Variants in SOCS5 observed in about 807,000 individuals in gnomAD.
The protein encoded by SOCS5 is CIS-6.
In SOCS5, 32 loss-of-function variants were observed where a neutral mutation model predicts 42.8. That is an observed-to-expected ratio of 0.75 (90% confidence interval 0.56 to 1.01). The LOEUF (loss-of-function observed/expected upper bound fraction) is 1.01. Ranked by LOEUF, SOCS5 falls within the 50% of genes least tolerant of loss-of-function variation. The pLI is 0.00. For missense variants in SOCS5, 627 were observed against 653.0 expected (o/e 0.96, Z 0.43); for synonymous variants, 283 against 229.6 (o/e 1.23, Z -2.10).
chr2:46,759,520 C>T lies in SOCS5; in HGVS notation c.990C>T (p.Thr330=), dbSNP rs1434762216. 2.5e-6 allele frequency: 4 copies of T among 1,613,846 alleles called. No homozygotes were observed. The African/African-American group carries it at 4.0e-5, about 16-fold the overall frequency. The change falls in exon 2 of 2, where the codon ACC becomes ACT. Residue 330 remains threonine, a synonymous_variant. Transcript: ENST00000394861. ...ANCDSEEDTT[T]LCLQSRRQKQ... ...GTGACTCGGAAGAGGATACAACCAC[C>T]CTGTGTTTGCAGTCACGGAGGCAGA...
intron 1 of SOCS5, among the ~76,000 whole-genome samples, chr2:46,730,419 G>A (rs541302655): frequency 1.6e-4 from 25 of 152,064 alleles, no homozygotes; most frequent in African/African-American, 6.0e-4. Context: ...TGGCCAACAT[G>A]GTGAAACCCC....
chr2:46,748,278 C>A (rs1298627443), intron 1 of SOCS5, among the ~76,000 whole-genome samples: 2 of 151,606 alleles, frequency 1.3e-5, no homozygotes, highest in Admixed American at 1.3e-4. Context: ...CTCAGCCTCC[C>A]AGGTTCCAGC....
chr2:46,712,635 C>T (rs569766346), intron 1 of SOCS5, among the ~76,000 whole-genome samples: 72 of 152,308 alleles, frequency 4.7e-4, no homozygotes, highest in African/African-American at 1.5e-3. Flanking sequence ...AGCCACTGTG[C>T]CCGGCCTGTT....
At chr2:46,709,311 C>G (rs540181623) in intron 1 of SOCS5, among the ~76,000 whole-genome samples, 14 of 152,288 alleles carry the variant, frequency 9.2e-5, no homozygotes, top group African/African-American at 3.4e-4. Flanking sequence ...CTTTTCAGTT[C>G]TCCCCCAAAG....
chr2:46,733,023 C>G (rs567431333), intron 1 of SOCS5, among the ~76,000 whole-genome samples: 17 of 151,950 alleles, frequency 1.1e-4, no homozygotes, highest in African/African-American at 4.1e-4. Flanking sequence ...TGTGTATCCA[C>G]TGGCAAATAA....
In SOCS5 at chr2:46,759,924, G is replaced by T; in HGVS notation, c.1394G>T (p.Cys465Phe). The T allele has an allele frequency of 6.2e-7, 1 of 1,614,102 alleles. No individual in the cohort carries two copies. Among genetic ancestry groups the T allele is most frequent in the Non-Finnish European group, 8.5e-7 (1 of 1,179,998 alleles). ...GAACATTATAAAGATCCCAGTTCGT[G>T]CATGTTTTTTGAACCATTGCTTACT... ...LLEHYKDPSS[C>F]MFFEPLLTIS... Residue 465 changes from cysteine to phenylalanine, a missense_variant, in exon 2 of 2, where the codon TGC becomes TTC. Cys to Phe is a radical substitution (Grantham distance 205). Coordinates refer to ENST00000394861, the MANE Select transcript of SOCS5 (RefSeq NM_144949.3).
At chr2:46,732,978 G>T (rs527731278) in intron 1 of SOCS5, among the ~76,000 whole-genome samples, 5 of 152,010 alleles carry the variant, frequency 3.3e-5, no homozygotes, top group African/African-American at 1.2e-4. Context: ...AAAATCGTGT[G>T]GTGAATCATA....
At chr2:46,751,135 A>T (rs1445100163) in intron 1 of SOCS5, among the ~76,000 whole-genome samples, 1 of 152,162 alleles carries the variant, frequency 6.6e-6, no homozygotes, top group Non-Finnish European at 1.5e-5. Flanking sequence ...TATAAAATTA[A>T]GATAATTATT....
chr2:46,742,790 C>A (rs1025556281), intron 1 of SOCS5, among the ~76,000 whole-genome samples: 1 of 151,992 alleles, frequency 6.6e-6, no homozygotes, highest in East Asian at 1.9e-4. Context: ...CTCAGCCTCC[C>A]GAGTAGCTCA....
intron 1 of SOCS5, among the ~76,000 whole-genome samples, chr2:46,754,587 G>C (rs1673693401): frequency 6.6e-6 from 1 of 151,924 alleles, no homozygotes; most frequent in Admixed American, 6.6e-5. Flanking sequence ...TAGATTAGAG[G>C]ACTGCACCTC....
chr2:46,758,926 C>G lies in SOCS5; in HGVS notation c.396C>G (p.Thr132=), dbSNP rs370051157. Reference sequence around the variant, plus strand: ...AAAAACATTCCTGTTCTACAAAGACCCAGAGTTCATTGGATGCTGATAAAA... The same window carrying G: ...AAAAACATTCCTGTTCTACAAAGACGCAGAGTTCATTGGATGCTGATAAAA... ...GKKKHSCSTK[T]QSSLDADKKF... Residue 132 remains threonine, a synonymous_variant, in exon 2 of 2, where the codon ACC becomes ACG. Coordinates refer to ENST00000394861, the MANE Select transcript of SOCS5 (RefSeq NM_144949.3). 2 of 1,613,842 alleles carry G rather than the reference C, an allele frequency of 1.2e-6. No homozygotes were observed. The highest frequency in any genetic ancestry group is 1.7e-6 in the Non-Finnish European group (2 of 1,179,868).
Position 46,759,501 on chromosome 2 carries a change from C to T in SOCS5, c.971C>T (p.Ser324Leu). The T allele has an allele frequency of 6.2e-7, 1 of 1,613,942 alleles. No individual in the cohort carries two copies. Among genetic ancestry groups the T allele is most frequent in the Non-Finnish European group, 8.5e-7 (1 of 1,179,870 alleles). Reference protein sequence around the residue: ...SSAIPQANCDSEEDTTTLCLQ... With the variant: ...SSAIPQANCDLEEDTTTLCLQ... ...GCAATTCCACAAGCTAATTGTGACT[C>T]GGAAGAGGATACAACCACCCTGTGT... The change falls in exon 2 of 2, where the codon TCG becomes TTG. Residue 324 changes from serine (S) to leucine (L), a missense_variant. Ser to Leu is a moderately radical substitution (Grantham distance 145). Coordinates refer to ENST00000394861, the MANE Select transcript of SOCS5 (RefSeq NM_144949.3).
intron 1 of SOCS5, among the ~76,000 whole-genome samples, chr2:46,724,977 G>A (rs6735101): frequency 0.076 from 11,561 of 151,858 alleles, 493 homozygotes; most frequent in African/African-American, 0.091. Flanking sequence ...ATCTCCAACT[G>A]TCATTGTAGA....
intron 1 of SOCS5, among the ~76,000 whole-genome samples, chr2:46,751,296 T>A (rs1437814587): frequency 6.6e-6 from 1 of 152,144 alleles, no homozygotes; most frequent in Non-Finnish European, 1.5e-5. Context: ...TTTATTTCTT[T>A]GATTACTCAC....
chr2:46,701,957 T>A (rs1460618588), intron 1 of SOCS5, among the ~76,000 whole-genome samples: 1 of 151,618 alleles, frequency 6.6e-6, no homozygotes, highest in African/African-American at 2.4e-5. Context: ...GAGAGTAGAA[T>A]TACATGATCA....
chr2:46,758,078 G>T (rs1234741687), intron 1 of SOCS5, among the ~76,000 whole-genome samples: 1 of 152,180 alleles, frequency 6.6e-6, no homozygotes, highest in African/African-American at 2.4e-5. Context: ...TGCTACTAAT[G>T]AAAGGTTTTT....
At chr2:46,711,853 G>T (rs117990200) in intron 1 of SOCS5, among the ~76,000 whole-genome samples, 1 of 152,152 alleles carries the variant, frequency 6.6e-6, no homozygotes, top group Non-Finnish European at 1.5e-5. Context: ...TTCCCTTTCC[G>T]CATTAATTGC....
At chr2:46,738,843 G>GT (rs1036824956) in intron 1 of SOCS5, among the ~76,000 whole-genome samples, 2 of 152,132 alleles carry the variant, frequency 1.3e-5, no homozygotes, top group Non-Finnish European at 2.9e-5. Flanking sequence ...GGAAACTGAA[G>GT]TTTTTTCCCA....
intron 1 of SOCS5, among the ~76,000 whole-genome samples, chr2:46,715,248 G>C (rs895069009): frequency 1.1e-4 from 16 of 151,858 alleles, no homozygotes; most frequent in African/African-American, 3.6e-4. Context: ...GCTCGTGCCT[G>C]TAATTCCAGC....
Sources: allele counts gnomAD v4.1 joint callset (sites outside exome capture counted in the v4.1 genomes callset), GRCh38; gene constraint gnomAD v4.1.1; transcripts MANE v1.5; gene names NCBI Gene and HGNC (gene_info 2026-07-23, HGNC 2026-07-21).